PIP4K2A: variants seen among roughly 807,000 people sequenced by gnomAD.
PIP4K2A encodes the protein phosphatidylinositol-5-phosphate 4-kinase type 2 alpha.
In PIP4K2A, 14 loss-of-function variants were observed where a neutral mutation model predicts 42.9. The ratio of observed to expected loss-of-function variants is 0.33; its 90% CI spans 0.22 to 0.51. PIP4K2A has a LOEUF of 0.51. Ranked by LOEUF, PIP4K2A falls within the 20% of genes least tolerant of loss-of-function variation. The pLI is 0.97. For missense variants in PIP4K2A, 434 were observed against 519.8 expected (o/e 0.83, Z 1.61); for synonymous variants, 192 against 192.2 (o/e 1.00, Z 0.01).
chr10:22,698,355 G>T (rs146035342), intron 1 of PIP4K2A, among the ~76,000 whole-genome samples: 2 of 152,234 alleles, frequency 1.3e-5, no homozygotes, highest in Admixed American at 6.5e-5. Context: ...ACACTGCTAG[G>T]GTTATAATCT....
chr10:22,625,769 T>A (rs1269474425), intron 1 of PIP4K2A, among the ~76,000 whole-genome samples: 1 of 152,224 alleles, frequency 6.6e-6, no homozygotes, highest in Non-Finnish European at 1.5e-5. Flanking sequence ...GCATTCACGC[T>A]TAGCCACAGC....
At chr10:22,555,098 G>C (rs1282529632) in intron 6 of PIP4K2A, among the ~76,000 whole-genome samples, 1 of 152,212 alleles carries the variant, frequency 6.6e-6, no homozygotes, top group Non-Finnish European at 1.5e-5. Context: ...CCTGCTTCCC[G>C]TTCGGATAAA....
chr10:22,630,594 A>T (rs1018218721), intron 1 of PIP4K2A, among the ~76,000 whole-genome samples: 7 of 152,218 alleles, frequency 4.6e-5, no homozygotes, highest in African/African-American at 1.7e-4. Flanking sequence ...CAGGTTCTAG[A>T]ACTGCTGTAT....
chr10:22,692,633 T>G (rs748560980), intron 1 of PIP4K2A, among the ~76,000 whole-genome samples: 4 of 152,198 alleles, frequency 2.6e-5, no homozygotes, highest in Non-Finnish European at 5.9e-5. Flanking sequence ...AGCTTAGAAT[T>G]TGGGGCTTCA....
At chr10:22,634,548 G>T (rs1838620600) in intron 1 of PIP4K2A, among the ~76,000 whole-genome samples, 2 of 152,062 alleles carry the variant, frequency 1.3e-5, no homozygotes, top group Non-Finnish European at 2.9e-5. Context: ...CTTATAATAG[G>T]ATCTTTTATA....
chr10:22,671,936 A>G (rs1839459758), intron 1 of PIP4K2A, among the ~76,000 whole-genome samples: 1 of 152,190 alleles, frequency 6.6e-6, no homozygotes, highest in Admixed American at 6.5e-5. Flanking sequence ...TAATAATATA[A>G]TATTTGTTAA....
chr10:22,651,778 G>T (rs112158141), intron 1 of PIP4K2A, among the ~76,000 whole-genome samples: 2,579 of 152,354 alleles, frequency 0.017, 74 homozygotes, highest in African/African-American at 0.058. Flanking sequence ...CTCAGTGGCT[G>T]CAGGGTGCCA....
chr10:22,607,623 T>A (rs1212644097), intron 3 of PIP4K2A, among the ~76,000 whole-genome samples: 1 of 152,062 alleles, frequency 6.6e-6, no homozygotes, highest in African/African-American at 2.4e-5. Context: ...AACAGGCAGC[T>A]CTGCTAGCCT....
chr10:22,692,372 C>T (rs1166110930), intron 1 of PIP4K2A, among the ~76,000 whole-genome samples: 1 of 152,124 alleles, frequency 6.6e-6, no homozygotes, highest in East Asian at 1.9e-4. Flanking sequence ...TTGCCCGCTG[C>T]TCACCTCCTG....
rs372003271 is a variant in PIP4K2A at position 22,714,153 on chromosome 10, G to A, written c.144+30C>T. The A allele has an allele frequency of 1.6e-5, 25 of 1,587,030 alleles. No homozygotes were observed. In the African/African-American group the frequency reaches 3.0e-4, roughly 19 times the overall value. On this transcript the variant is annotated intron_variant, in intron 1 of 9. Transcript: ENST00000376573. Reference sequence around the variant, plus strand: ...CGAGGAGGAAGAGGAGGAGGAGGAAGGGGACCGCGCGCCGCAGCTGAGCCC... The same window carrying A: ...CGAGGAGGAAGAGGAGGAGGAGGAAAGGGACCGCGCGCCGCAGCTGAGCCC...
chr10:22,592,480 T>A (rs1837536320), intron 3 of PIP4K2A, among the ~76,000 whole-genome samples: 1 of 152,170 alleles, frequency 6.6e-6, no homozygotes, highest in South Asian at 2.1e-4. Context: ...AAACAGCTCC[T>A]CCTTAGGCGA....
intron 1 of PIP4K2A, among the ~76,000 whole-genome samples, chr10:22,646,745 T>C (rs555523331): frequency 5.9e-5 from 9 of 152,300 alleles, no homozygotes; most frequent in South Asian, 2.1e-4. Context: ...GGGAGCACTG[T>C]TGTTTGCACC....
At chr10:22,558,450 G>A (rs1010657431) in intron 6 of PIP4K2A, among the ~76,000 whole-genome samples, 3 of 152,104 alleles carry the variant, frequency 2.0e-5, no homozygotes, top group Admixed American at 6.5e-5. Flanking sequence ...AGAGATGCTG[G>A]AGATTTATAA....
At chr10:22,561,575 T>G (rs942333907) in intron 6 of PIP4K2A, among the ~76,000 whole-genome samples, 3 of 144,736 alleles carry the variant, frequency 2.1e-5, no homozygotes, top group African/African-American at 7.7e-5. Flanking sequence ...GTTTTTTTTT[T>G]TTTTTTTTTT....
At chr10:22,539,867 A>G (rs1357307067) in intron 9 of PIP4K2A, 104 bp downstream of exon 9, 4 of 762,860 alleles carry the variant, frequency 5.2e-6, no homozygotes, top group African/African-American at 1.7e-5. Context: ...CCTGAGTTAC[A>G]GGTCACACAG....
In PIP4K2A at chr10:22,714,417, C is replaced by G; in HGVS notation, c.-91G>C. The G allele has an allele frequency of 1.1e-6, 1 of 936,594 alleles. No individual in the cohort carries two copies. Among genetic ancestry groups the G allele is most frequent in the Non-Finnish European group, 1.3e-6 (1 of 759,882 alleles). 58.0% of individuals were successfully genotyped at this position (936,594 alleles called of 1,614,324 possible). On this transcript the variant is annotated 5_prime_UTR_variant, in exon 1 of 10. Coordinates refer to ENST00000376573, the MANE Select transcript of PIP4K2A (RefSeq NM_005028.5). ...CGGCCCGGGGAGGCAGCCGCATCCC[C>G]CCGGCGGCGGCCCCGGCGCGCCGCG...
chr10:22,576,199 T>C (rs1837116013), intron 4 of PIP4K2A, among the ~76,000 whole-genome samples: 1 of 152,202 alleles, frequency 6.6e-6, no homozygotes, highest in Non-Finnish European at 1.5e-5. Flanking sequence ...ACCTATTAAC[T>C]GAATTTCTGG....
chr10:22,685,840 G>A (rs1839754235), intron 1 of PIP4K2A, among the ~76,000 whole-genome samples: 1 of 152,224 alleles, frequency 6.6e-6, no homozygotes, highest in African/African-American at 2.4e-5. Flanking sequence ...GGCAGGCCAT[G>A]AGGTCAGCAG....
In PIP4K2A at chr10:22,569,646, T is replaced by G. The variant is rs112206682; in HGVS notation, c.640-1757A>C. 3.5e-4 allele frequency among the ~76,000 whole-genome samples: 53 copies of G among 151,974 alleles called. 1 individual carries two copies. The highest frequency in any genetic ancestry group is 1.1e-3 in the African/African-American group (47 of 41,452). The stretch of plus-strand genomic sequence containing the variant: ...TGAATTCTTAACCAAGTTCTTGGGG[T>G]GTGTGTGTCTGTGTGTGTGTGTGTC... On this transcript the variant is annotated intron_variant, in intron 5 of 9. Transcript: ENST00000376573.
Sources: gnomAD v4.1 joint callset for allele counts (sites outside exome capture counted in the v4.1 genomes callset) on GRCh38, gnomAD v4.1.1 for gene constraint, MANE v1.5 for transcripts, NCBI Gene and HGNC (gene_info 2026-07-23, HGNC 2026-07-21) for gene names.